RBMS3: variants seen among roughly 807,000 people sequenced by gnomAD.
RBMS3 encodes the protein RNA-binding motif, single-stranded-interacting protein 3.
A neutral mutation model predicts 66.8 loss-of-function variants in RBMS3; 27 were observed. The ratio of observed to expected loss-of-function variants is 0.40; its 90% confidence interval spans 0.30 to 0.56. The LOEUF is 0.56. RBMS3 is among the 20% of genes least tolerant of loss of function. The probability of loss-of-function intolerance (pLI) is 0.40; values close to 1 mark genes in which losing one functional copy is unlikely to be tolerated. For synonymous variants in RBMS3, 188 were observed against 183.0 expected, an observed-to-expected ratio of 1.03 and a Z score of -0.22; for missense variants, 513 against 549.5, an observed-to-expected ratio of 0.93 and a Z score of 0.66.
At chr3:29,374,474 C>T (rs1309495547) in intron 1 of RBMS3, among the ~76,000 whole-genome samples, 1 of 152,188 alleles carries the variant, frequency 6.6e-6, no homozygotes, top group Non-Finnish European at 1.5e-5. Context: ...TTAGTAGAAA[C>T]TGTACTTTGG....
At chr3:29,544,627 G>A (rs1170485287) in intron 3 of RBMS3, among the ~76,000 whole-genome samples, 1 of 151,840 alleles carries the variant, frequency 6.6e-6, no homozygotes, top group Non-Finnish European at 1.5e-5. Context: ...AAGATTTCCA[G>A]TACCCTCTAA....
chr3:29,748,875 G>C (rs9856399), intron 5 of RBMS3, among the ~76,000 whole-genome samples: 70,241 of 151,808 alleles, frequency 0.46, 17,427 homozygotes, highest in African/African-American at 0.64. Flanking sequence ...TGTGGGGAAG[G>C]GGCAGGGGAG....
intron 4 of RBMS3, among the ~76,000 whole-genome samples, chr3:29,726,884 C>A (rs1346104141): frequency 2.0e-5 from 3 of 151,982 alleles, no homozygotes; most frequent in African/African-American, 7.2e-5. Context: ...TCATATAGAA[C>A]CAAAAAAGAG....
chr3:29,539,513 T>C (rs1040897025), intron 3 of RBMS3, among the ~76,000 whole-genome samples: 2 of 152,156 alleles, frequency 1.3e-5, no homozygotes, highest in East Asian at 1.9e-4. Context: ...GCTTATTACA[T>C]CTAATCTTCT....
chr3:29,656,123 G>A (rs2050319220), intron 4 of RBMS3, among the ~76,000 whole-genome samples: 1 of 151,944 alleles, frequency 6.6e-6, no homozygotes, highest in African/African-American at 2.4e-5. Context: ...AGTAAGATAA[G>A]GTTAATTTAT....
chr3:29,887,328 C>T (rs115919393), intron 8 of RBMS3, among the ~76,000 whole-genome samples: 1 of 151,896 alleles, frequency 6.6e-6, no homozygotes, highest in African/African-American at 2.4e-5. Flanking sequence ...AATTGTCATC[C>T]TCATAATCCC....
intron 2 of RBMS3, among the ~76,000 whole-genome samples, chr3:29,482,697 C>CTTTTT (rs1216159878): frequency 2.3e-4 from 21 of 92,936 alleles, no homozygotes; most frequent in African/African-American, 5.9e-4. Flanking sequence ...TTCTTTCTTT[C>CTTTTT]TTTCTTTTTT....
chr3:29,896,685 C>T (rs2060130130), intron 8 of RBMS3, among the ~76,000 whole-genome samples: 1 of 151,508 alleles, frequency 6.6e-6, no homozygotes, highest in African/African-American at 2.4e-5. Flanking sequence ...AATAGATCTC[C>T]AGGAGAATCA....
intron 1 of RBMS3, among the ~76,000 whole-genome samples, chr3:29,390,591 AAATAT>A (rs995758000): frequency 1.3e-5 from 2 of 152,224 alleles, no homozygotes; most frequent in Admixed American, 1.3e-4. Context: ...TGAATTTATG[AAATAT>A]AATATATACA....
intron 10 of RBMS3, among the ~76,000 whole-genome samples, chr3:29,925,419 C>T (rs1026051104): frequency 2.6e-5 from 4 of 151,942 alleles, no homozygotes; most frequent in Non-Finnish European, 5.9e-5. Context: ...GAAAATATGT[C>T]ATAGGAAAAG....
At chr3:29,725,228 T>C (rs1179767020) in intron 4 of RBMS3, among the ~76,000 whole-genome samples, 1 of 152,212 alleles carries the variant, frequency 6.6e-6, no homozygotes, top group African/African-American at 2.4e-5. Flanking sequence ...ATTGATAGCC[T>C]AGGCACTCTA....
chr3:29,592,621 A>C (rs903972309), intron 4 of RBMS3, among the ~76,000 whole-genome samples: 5 of 152,116 alleles, frequency 3.3e-5, no homozygotes, highest in African/African-American at 4.8e-5. Flanking sequence ...GGATCTAGAA[A>C]TAGAAATACC....
rs966603377 is a variant in RBMS3, at chr3:29,476,354, C to T, written c.249-12087C>T. 2.6e-5 allele frequency among the ~76,000 whole-genome samples: 4 copies of T among 152,164 alleles called. No homozygotes were observed. In the East Asian group the frequency reaches 7.7e-4, roughly 29 times the overall value. On this transcript the variant is annotated intron_variant, in intron 2 of 14. Transcript: ENST00000383767. ...TACATACTCTTTTAGGTCTTCTCAC[C>T]TACCTCACCACCAGTAAGGTAGTTA...
At chr3:29,563,130 C>A (rs2046616252) in intron 3 of RBMS3, among the ~76,000 whole-genome samples, 1 of 152,188 alleles carries the variant, frequency 6.6e-6, no homozygotes, top group Non-Finnish European at 1.5e-5. Flanking sequence ...AATAGCAGGT[C>A]ATTGTAAAAG....
intron 3 of RBMS3, among the ~76,000 whole-genome samples, chr3:29,542,375 G>C (rs1175632294): frequency 1.3e-5 from 2 of 150,652 alleles, no homozygotes; most frequent in Admixed American, 6.6e-5. Flanking sequence ...TTTTTTGTTT[G>C]TTTGAGAAAG....
In RBMS3 at chr3:29,435,540, C is replaced by A. The variant is rs185090884; in HGVS notation, c.248+625C>A. On this transcript the variant is annotated intron_variant, in intron 2 of 14. Coordinates refer to ENST00000383767, the MANE Select transcript of RBMS3 (RefSeq NM_001003793.3). ...ATTAAATCCTCTTCAAAAATGTTTTCATGAATCTACTATCTACCAACACTT... is the reference window on the plus strand; with the variant it reads ...ATTAAATCCTCTTCAAAAATGTTTTAATGAATCTACTATCTACCAACACTT... Among the ~76,000 whole-genome samples the A allele has an allele frequency of 1.2e-4, 18 of 152,318 alleles. No individual in the cohort carries two copies. In the East Asian group the frequency reaches 3.5e-3, roughly 29 times the overall value.
At position 29,868,910 on chromosome 3, in the gene RBMS3, A is replaced by G. The variant is rs1014518490; in HGVS notation, c.690A>G (p.Arg230=). 1.2e-6 allele frequency: 2 copies of G among 1,605,224 alleles called. No individual in the cohort carries two copies. The highest frequency in any genetic ancestry group is 1.1e-5 in the South Asian group (1 of 89,140). Residue 230 remains arginine, a synonymous_variant, in exon 7 of 15, where the codon CGA becomes CGG. Coordinates refer to ENST00000383767, the MANE Select transcript of RBMS3 (RefSeq NM_001003793.3). ...CKFADGGQKK[R]QNQSKYTQNG... ...TCGCTGATGGAGGACAAAAGAAGCGACAGAATCAAAGCAAATATACCCAGA... is the reference window on the plus strand; with the variant it reads ...TCGCTGATGGAGGACAAAAGAAGCGGCAGAATCAAAGCAAATATACCCAGA...
At chr3:29,802,607 T>C (rs898417054) in intron 6 of RBMS3, among the ~76,000 whole-genome samples, 44 of 152,204 alleles carry the variant, frequency 2.9e-4, no homozygotes, top group African/African-American at 9.4e-4. Context: ...AATAAAGCAA[T>C]AGTTATTTTA....
At chr3:29,577,774 TCA>T in intron 3 of RBMS3, among the ~76,000 whole-genome samples, 1 of 152,312 alleles carries the variant, frequency 6.6e-6, no homozygotes, top group South Asian at 2.1e-4. Context: ...GCTGCATGGC[TCA>T]CTACCTGTGG....
Sources: gnomAD v4.1 joint callset for allele counts (sites outside exome capture counted in the v4.1 genomes callset) on GRCh38, gnomAD v4.1.1 for gene constraint, MANE v1.5 for transcripts, NCBI Gene and HGNC (gene_info 2026-07-23, HGNC 2026-07-21) for gene names.